The following RIC3 variants were observed in gnomAD, a reference collection of about 807,000 sequenced individuals.
RIC3 encodes protein RIC-3.
A neutral mutation model predicts 27.3 loss-of-function variants in RIC3; 28 were observed. The ratio of observed to expected loss-of-function variants is 1.02; its 90% CI spans 0.76 to 1.41. The LOEUF (loss-of-function observed/expected upper bound fraction) is 1.41, where lower values mean the gene tolerates loss of function less well. RIC3 is among the 40% of genes most tolerant of loss of function. The pLI, the probability that RIC3 is intolerant of heterozygous loss-of-function variation, is 0.00. For missense variants in RIC3, 501 were observed against 444.7 expected (o/e 1.13, Z -1.14); for synonymous variants, 184 against 160.4 (o/e 1.15, Z -1.11).
At chr11:8,121,442 G>A (rs905926216) in intron 5 of RIC3, among the ~76,000 whole-genome samples, 4 of 151,940 alleles carry the variant, frequency 2.6e-5, no homozygotes, top group Admixed American at 2.0e-4. Flanking sequence ...TCCACCAGGC[G>A]CAGTGGCTCA....
At chr11:8,128,804 G>A (rs1454760174) in intron 4 of RIC3, among the ~76,000 whole-genome samples, 1 of 144,850 alleles carries the variant, frequency 6.9e-6, no homozygotes, top group Non-Finnish European at 1.5e-5. Flanking sequence ...GCCCAGGCTG[G>A]AGTGCAGTGG....
At chr11:8,147,141 CT>C (rs1360855980) in intron 1 of RIC3, among the ~76,000 whole-genome samples, 1 of 152,216 alleles carries the variant, frequency 6.6e-6, no homozygotes, top group Non-Finnish European at 1.5e-5. Context: ...CTGGAAGCCC[CT>C]TCACCACTTT....
At chr11:8,129,597 A>G (rs148978779) in intron 4 of RIC3, among the ~76,000 whole-genome samples, 2 of 152,328 alleles carry the variant, frequency 1.3e-5, no homozygotes, top group African/African-American at 4.8e-5. Flanking sequence ...ATGATAGAAA[A>G]ATAAAAGGTC....
chr11:8,100,441 CCCA>C, the RIC3 span: 9 of 1,330,176 alleles, frequency 6.8e-6, no homozygotes, highest in African/African-American at 1.3e-4. Flanking sequence ...TCCCGTCCCC[CCCA>C]CCTTCTCCAG....
the RIC3 span, chr11:8,100,897 A>C: frequency 1.2e-6 from 2 of 1,613,904 alleles, no homozygotes; most frequent in Non-Finnish European, 1.7e-6. Context: ...AAAACAAGAC[A>C]CCTGTCTGGA....
Position 8,140,056 on chromosome 11 carries a change from C to T in RIC3, c.262G>A (p.Gly88Arg), listed in dbSNP as rs748500494. 17 of 1,613,994 alleles carry T rather than the reference C, an allele frequency of 1.1e-5. No individual in the cohort carries two copies. The Admixed American group carries it at 1.7e-4, about 16-fold the overall frequency. The change falls in exon 2 of 6, where the codon GGA (glycine) becomes AGA (arginine). Residue 88 changes from glycine (G) to arginine (R), a missense_variant. Transcript: ENST00000309737. ...KAKGSGGGAG[G>R]GGSGRGLMGQ... ...ATCAGACCTCTTCCACTACCTCCTC[C>T]TCCAGCACCTCCACCTGATCCTTTG...
At chr11:8,101,581 GCC>G, downstream of RIC3, 1 of 1,614,224 alleles carries the variant, frequency 6.2e-7, no homozygotes, top group African/African-American at 1.3e-5. Flanking sequence ...CTTTGCCATT[GCC>G]CTGTCCAGCT....
At chr11:8,130,383 T>C (rs1192966421) in intron 4 of RIC3, among the ~76,000 whole-genome samples, 1 of 152,240 alleles carries the variant, frequency 6.6e-6, no homozygotes, top group African/African-American at 2.4e-5. Flanking sequence ...CCTTTGTTCC[T>C]GCTCCCTAAA....
In RIC3 at chr11:8,110,455, C is replaced by T. The variant is rs1192926143; in HGVS notation, c.*243G>A. The T allele has an allele frequency of 1.0e-5, 6 of 588,790 alleles. No individual in the cohort carries two copies. Among genetic ancestry groups the T allele is most frequent in the Non-Finnish European group, 1.8e-5 (6 of 328,510 alleles). 36.5% of individuals were successfully genotyped at this position (588,790 alleles called of 1,614,324 possible). On this transcript the variant is annotated 3_prime_UTR_variant, in exon 6 of 6. Transcript: ENST00000309737. ...ATAATTACTTAATGGATCAACTTCT[C>T]TGATAGAGGAAAGGCAGGAAGAGAA...
chr11:8,096,548 T>TCTCGGTGGTCGCCGTATCATTAAAA, the RIC3 span: 1 of 697,738 alleles, frequency 1.4e-6, no homozygotes, highest in Non-Finnish European at 2.6e-6. Context: ...TATGTGTAGA[T>TCTCGGTGGTCGCCGTATCATTAAAA]ATGGCTAAGA....
intron 1 of RIC3, among the ~76,000 whole-genome samples, chr11:8,149,153 A>T (rs1949999641): frequency 6.6e-6 from 1 of 151,798 alleles, no homozygotes. Context: ...AGATCGCACC[A>T]CTGCACTCCA....
chr11:8,147,963 G>T (rs921943112), intron 1 of RIC3, among the ~76,000 whole-genome samples: 1 of 152,136 alleles, frequency 6.6e-6, no homozygotes, highest in Non-Finnish European at 1.5e-5. Context: ...CTGACCTCAT[G>T]ATCTGCCCCC....
chr11:8,111,506 G>A (rs1418458415), intron 5 of RIC3, among the ~76,000 whole-genome samples: 1 of 152,156 alleles, frequency 6.6e-6, no homozygotes, highest in African/African-American at 2.4e-5. Flanking sequence ...CACAGCTCCA[G>A]GCTAATGTTT....
At chr11:8,137,133 T>A (rs1049475105) in intron 4 of RIC3, among the ~76,000 whole-genome samples, 5 of 152,196 alleles carry the variant, frequency 3.3e-5, no homozygotes, top group African/African-American at 4.8e-5. Flanking sequence ...CAAGCGATTC[T>A]CCTGCCTCAG....
downstream of RIC3, chr11:8,103,446 T>C (rs1273251823): frequency 1.3e-5 from 2 of 152,436 alleles, no homozygotes; most frequent in Admixed American, 1.3e-4. Context: ...GTGAAGGACT[T>C]GTTTTGACTT....
At chr11:8,167,643 A>AG (rs1412505757) in intron 1 of RIC3, among the ~76,000 whole-genome samples, 1 of 150,860 alleles carries the variant, frequency 6.6e-6, no homozygotes, top group South Asian at 2.1e-4. Flanking sequence ...TGGAAAGTAA[A>AG]AAAAAAAAAA....
At chr11:8,112,684 A>G (rs578188090) in intron 5 of RIC3, among the ~76,000 whole-genome samples, 14 of 152,338 alleles carry the variant, frequency 9.2e-5, no homozygotes, top group Non-Finnish European at 1.8e-4. Context: ...ATTCAACATT[A>G]TATCATGAGC....
chr11:8,104,927 GTTGTTT>G (rs1235273936), downstream of RIC3: 6 of 144,104 alleles, frequency 4.2e-5, no homozygotes, highest in Non-Finnish European at 6.0e-5. Flanking sequence ...GAAGCAGAAG[GTTGTTT>G]TTTTTTTTTT....
intron 4 of RIC3, among the ~76,000 whole-genome samples, chr11:8,131,438 T>C (rs1452786181): frequency 2.0e-5 from 3 of 152,116 alleles, no homozygotes; most frequent in Non-Finnish European, 4.4e-5. Flanking sequence ...AGATGACAAA[T>C]GCCATCTTGG....
Sources: gnomAD v4.1 joint callset for allele counts (sites outside exome capture counted in the v4.1 genomes callset) on GRCh38, gnomAD v4.1.1 for gene constraint, MANE v1.5 for transcripts, NCBI Gene and HGNC (gene_info 2026-07-23, HGNC 2026-07-21) for gene names.